BBS9: variants seen among roughly 807,000 people sequenced by gnomAD.
BBS9 encodes Bardet-Biedl syndrome 9, also known as protein PTHB1.
A neutral mutation model predicts 117.7 loss-of-function variants in BBS9; 89 were observed. The observed-to-expected ratio is 0.76, with a 90% CI of 0.64 to 0.90. The LOEUF (loss-of-function observed/expected upper bound fraction) is 0.90. Ranked by LOEUF, BBS9 falls within the 40% of genes least tolerant of loss-of-function variation. The pLI, the probability that BBS9 is intolerant of heterozygous loss-of-function variation, is 0.00. For missense variants in BBS9, 982 were observed against 1,042.2 expected (o/e 0.94, Z 0.80); for synonymous variants, 379 against 370.9 (o/e 1.02, Z -0.25).
intron 17 of BBS9, chr7:33,379,899 G>C (rs997075552): frequency 6.6e-6 from 1 of 152,222 alleles, no homozygotes; most frequent in Non-Finnish European, 1.5e-5. Flanking sequence ...TCAACCTTAC[G>C]AACCTGGTGG....
intron 9 of BBS9, among the ~76,000 whole-genome samples, chr7:33,301,377 T>C (rs938492341): frequency 2.0e-5 from 3 of 152,134 alleles, no homozygotes; most frequent in Non-Finnish European, 4.4e-5. Context: ...TCATTCTTTC[T>C]ATTTTTTTAA....
At chr7:33,294,347 ATCTATCTC>A (rs1198475575) in intron 9 of BBS9, among the ~76,000 whole-genome samples, 3 of 119,880 alleles carry the variant, frequency 2.5e-5, no homozygotes, top group South Asian at 5.8e-4. Flanking sequence ...CTATCTATCT[ATCTATCTC>A]TTTGTCCATC....
chr7:33,532,287 T>C (rs758029332), intron 20 of BBS9, among the ~76,000 whole-genome samples: 2 of 152,184 alleles, frequency 1.3e-5, no homozygotes, highest in Non-Finnish European at 2.9e-5. Flanking sequence ...GGGAACAGAA[T>C]ACAGTGGAGC....
At chr7:33,487,609 T>TA (rs1843295512) in intron 19 of BBS9, among the ~76,000 whole-genome samples, 1 of 152,224 alleles carries the variant, frequency 6.6e-6, no homozygotes, top group East Asian at 1.9e-4. Context: ...CTTTGCATGA[T>TA]ATCAAGCAAG....
At chr7:33,358,035 G>A in intron 16 of BBS9, 40 bp downstream of exon 16, 1 of 1,596,074 alleles carries the variant, frequency 6.3e-7, no homozygotes, top group Non-Finnish European at 8.6e-7. Context: ...CATCAAAAAT[G>A]CTAAGAATTT....
chr7:33,423,045 C>T (rs191267256), intron 19 of BBS9, among the ~76,000 whole-genome samples: 44 of 152,284 alleles, frequency 2.9e-4, no homozygotes, highest in South Asian at 8.3e-4. Context: ...GCTTTCCAAA[C>T]AGGCCAGGAC....
At chr7:33,613,474 G>A (rs904929919) in intron 21 of BBS9, among the ~76,000 whole-genome samples, 1 of 151,948 alleles carries the variant, frequency 6.6e-6, no homozygotes, top group Non-Finnish European at 1.5e-5. Context: ...GGGTTTTTCA[G>A]ACTGGCTGTA....
intron 5 of BBS9, among the ~76,000 whole-genome samples, chr7:33,207,607 A>G (rs1787180157): frequency 6.7e-6 from 1 of 150,222 alleles, no homozygotes; most frequent in African/African-American, 2.5e-5. Context: ...TCTGATACCT[A>G]TCCTGCTGCA....
rs138977048 is a variant in BBS9, at chr7:33,209,933, T to C, written c.442+32342T>C. On this transcript the variant is annotated intron_variant, in intron 5 of 22. Transcript: ENST00000242067. ...TTATTATTTCTTTTCTTCTACTGAT[T>C]TTTGGTTTGGTTTGCTCTTGCTTTT... Among the ~76,000 whole-genome samples, 328 of 152,218 alleles carry C rather than the reference T, an allele frequency of 2.2e-3. 2 individuals carry two copies. Among genetic ancestry groups the C allele is most frequent in the African/African-American group, 7.7e-3 (318 of 41,546 alleles).
intron 5 of BBS9, among the ~76,000 whole-genome samples, chr7:33,211,590 G>T (rs1788022971): frequency 6.6e-6 from 1 of 151,832 alleles, no homozygotes; most frequent in Admixed American, 6.6e-5. Flanking sequence ...ATTTTTGATT[G>T]GTTCATCATT....
chr7:33,595,841 A>G (rs749125614), intron 21 of BBS9, among the ~76,000 whole-genome samples: 1 of 152,200 alleles, frequency 6.6e-6, no homozygotes, highest in Admixed American at 6.5e-5. Context: ...CTATGCAGCT[A>G]TAAAAATGAA....
intron 5 of BBS9, among the ~76,000 whole-genome samples, chr7:33,214,917 G>C (rs945311511): frequency 3.3e-5 from 5 of 152,038 alleles, no homozygotes; most frequent in Non-Finnish European, 7.4e-5. Flanking sequence ...AGCTGGGCCT[G>C]GCGCAGTGGC....
intron 21 of BBS9, among the ~76,000 whole-genome samples, chr7:33,556,039 T>C (rs17170286): frequency 0.097 from 14,720 of 152,234 alleles, 821 homozygotes; most frequent in African/African-American, 0.15. Flanking sequence ...ATCTAACTGA[T>C]CACACTTGGT....
At chr7:33,130,482 C>G (rs551356916) in intron 1 of BBS9, among the ~76,000 whole-genome samples, 325 of 152,300 alleles carry the variant, frequency 2.1e-3, no homozygotes, top group Non-Finnish European at 3.5e-3. Flanking sequence ...TCCTGCCAGT[C>G]AAATCCTGCC....
intron 21 of BBS9, among the ~76,000 whole-genome samples, chr7:33,556,933 C>G (rs752405984): frequency 1.3e-5 from 2 of 152,162 alleles, no homozygotes; most frequent in Non-Finnish European, 2.9e-5. Context: ...AAGGGTTCTA[C>G]GTGGGACTGG....
At chr7:33,257,656 G>C (rs1032800671) in intron 6 of BBS9, among the ~76,000 whole-genome samples, 2 of 152,084 alleles carry the variant, frequency 1.3e-5, no homozygotes, top group African/African-American at 4.8e-5. Context: ...GATGTTTGAT[G>C]GTCCTTATCC....
chr7:33,461,626 A>G (rs763781878), intron 19 of BBS9, among the ~76,000 whole-genome samples: 1 of 151,968 alleles, frequency 6.6e-6, no homozygotes, highest in African/African-American at 2.4e-5. Flanking sequence ...ATGTTCGGGC[A>G]CAGTATCTAT....
intron 19 of BBS9, among the ~76,000 whole-genome samples, chr7:33,442,390 G>A (rs1436112467): frequency 1.3e-5 from 2 of 152,182 alleles, no homozygotes; most frequent in South Asian, 2.1e-4. Flanking sequence ...TTTGTGGTGT[G>A]TAAGTTGTTT....
intron 19 of BBS9, among the ~76,000 whole-genome samples, chr7:33,409,987 C>T (rs974894940): frequency 6.6e-6 from 1 of 151,562 alleles, no homozygotes; most frequent in Admixed American, 6.6e-5. Flanking sequence ...TGCCTTTAAA[C>T]CTTAGGAGTG....
Sources: allele counts gnomAD v4.1 joint callset (sites outside exome capture counted in the v4.1 genomes callset), GRCh38; gene constraint gnomAD v4.1.1; transcripts MANE v1.5; gene names NCBI Gene and HGNC (gene_info 2026-07-23, HGNC 2026-07-21).